Variants in LPP observed in about 807,000 individuals in gnomAD.
LPP encodes LIM domain containing preferred translocation partner in lipoma.
LPP carries 38 observed loss-of-function variants against 60.4 expected under a neutral mutation model. The observed-to-expected ratio is 0.63, with a 90% CI of 0.49 to 0.83. The LOEUF (loss-of-function observed/expected upper bound fraction) is 0.83, where lower values mean the gene tolerates loss of function less well. LPP is among the 40% of genes least tolerant of loss of function. The pLI is 0.00. For synonymous variants in LPP, 328 were observed against 290.8 expected, an observed-to-expected ratio of 1.13 and a Z score of -1.30; for missense variants, 902 against 783.6, an observed-to-expected ratio of 1.15 and a Z score of -1.80.
chr3:188,175,778 A>G (rs1201833224), intron 1 of LPP, among the ~76,000 whole-genome samples: 1 of 152,052 alleles, frequency 6.6e-6, no homozygotes, highest in Admixed American at 6.5e-5. Context: ...CTCCTTTTCC[A>G]ATTTTTAAAA....
intron 8 of LPP, among the ~76,000 whole-genome samples, chr3:188,724,652 TA>T (rs1717699928): frequency 1.3e-5 from 2 of 152,246 alleles, no homozygotes; most frequent in South Asian, 4.1e-4. Context: ...TATGCATCTT[TA>T]TTCCTCCATT....
At chr3:188,240,564 T>G (rs1724036753) in intron 2 of LPP, among the ~76,000 whole-genome samples, 1 of 152,278 alleles carries the variant, frequency 6.6e-6, no homozygotes, top group Admixed American at 6.5e-5. Flanking sequence ...GAGAGCTTTA[T>G]TCAAACTCAT....
At chr3:188,873,076 G>C (rs1362400718) in intron 11 of LPP, among the ~76,000 whole-genome samples, 1 of 152,150 alleles carries the variant, frequency 6.6e-6, no homozygotes, top group African/African-American at 2.4e-5. Context: ...AAATTAGTGA[G>C]AAATGGTGTT....
intron 2 of LPP, among the ~76,000 whole-genome samples, chr3:188,289,258 G>C (rs1745137257): frequency 6.6e-6 from 1 of 152,126 alleles, no homozygotes; most frequent in Non-Finnish European, 1.5e-5. Flanking sequence ...TTACAGACTA[G>C]CTCAGACGTG....
intron 1 of LPP, among the ~76,000 whole-genome samples, chr3:188,207,650 A>C (rs1200368420): frequency 1.4e-5 from 2 of 144,270 alleles, no homozygotes; most frequent in Non-Finnish European, 3.0e-5. Flanking sequence ...AAAGATGGGA[A>C]TCTCACTATG....
chr3:188,481,199 T>A (rs1258753767), intron 4 of LPP, among the ~76,000 whole-genome samples: 1 of 152,184 alleles, frequency 6.6e-6, no homozygotes, highest in East Asian at 1.9e-4. Flanking sequence ...TATGCCTCTC[T>A]CCAAGGGAAC....
At chr3:188,801,607 G>T (rs1478982351) in intron 9 of LPP, among the ~76,000 whole-genome samples, 1 of 152,114 alleles carries the variant, frequency 6.6e-6, no homozygotes, top group East Asian at 1.9e-4. Context: ...TATAAATAGC[G>T]AATCTATGTA....
intron 1 of LPP, among the ~76,000 whole-genome samples, chr3:188,177,602 G>A (rs991954051): frequency 1.3e-5 from 2 of 152,132 alleles, no homozygotes; most frequent in African/African-American, 4.8e-5. Flanking sequence ...TCCCTGGGAA[G>A]ATGAAGATTA....
chr3:188,640,303 G>T (rs1201608233), intron 7 of LPP, among the ~76,000 whole-genome samples: 1 of 148,552 alleles, frequency 6.7e-6, no homozygotes, highest in Non-Finnish European at 1.5e-5. Context: ...TCACTTATAG[G>T]TGGGAATTGA....
chr3:188,695,625 G>A (rs1039101154), intron 7 of LPP, among the ~76,000 whole-genome samples: 1 of 152,192 alleles, frequency 6.6e-6, no homozygotes, highest in Non-Finnish European at 1.5e-5. Context: ...ATTTACAGGT[G>A]AAGACGCTAA....
intron 2 of LPP, among the ~76,000 whole-genome samples, chr3:188,292,311 T>A (rs7429366): frequency 0.082 from 12,556 of 152,288 alleles, 584 homozygotes; most frequent in Non-Finnish European, 0.1. Context: ...AAATTTTAAG[T>A]GAAATAAGTT....
intron 2 of LPP, among the ~76,000 whole-genome samples, chr3:188,276,669 G>GTCTCTCCC (rs1739829784): frequency 1.0e-5 from 1 of 100,050 alleles, no homozygotes; most frequent in African/African-American, 3.5e-5. Context: ...CTCCAACTCT[G>GTCTCTCCC]TCTCTCTCTC....
chr3:188,250,787 TG>T (rs1338091136), intron 2 of LPP, among the ~76,000 whole-genome samples: 112 of 94,594 alleles, frequency 1.2e-3, no homozygotes, highest in African/African-American at 5.2e-3. Context: ...TCTTTCTTTC[TG>T]TCTTTCTCTT....
intron 9 of LPP, among the ~76,000 whole-genome samples, chr3:188,859,343 A>G (rs1195694299): frequency 2.0e-5 from 3 of 152,086 alleles, no homozygotes; most frequent in Non-Finnish European, 4.4e-5. Flanking sequence ...ACTAGAATAG[A>G]TTCTTAAGAG....
chr3:188,396,271 C>T (rs954744122), intron 3 of LPP, among the ~76,000 whole-genome samples: 3 of 152,082 alleles, frequency 2.0e-5, no homozygotes, highest in African/African-American at 7.2e-5. Context: ...ACTAAAATTG[C>T]TTTTAAAATC....
chr3:188,804,262 T>TATATATATATATAC (rs1748337540), intron 9 of LPP, among the ~76,000 whole-genome samples: 1 of 116,362 alleles, frequency 8.6e-6, no homozygotes, highest in East Asian at 3.2e-4. Flanking sequence ...TATATATATA[T>TATATATATATATAC]ATATATATAT....
intron 2 of LPP, among the ~76,000 whole-genome samples, chr3:188,282,927 C>T (rs1313485800): frequency 6.6e-6 from 1 of 152,168 alleles, no homozygotes; most frequent in East Asian, 1.9e-4. Context: ...TGGAGGCTAG[C>T]TCAGTAGCTG....
chr3:188,825,452 G>T (rs187612561), intron 9 of LPP, among the ~76,000 whole-genome samples: 60 of 152,152 alleles, frequency 3.9e-4, no homozygotes, highest in Non-Finnish European at 4.0e-4. Flanking sequence ...CGAGAGTTGG[G>T]TGTATATACT....
intron 8 of LPP, 188 bp downstream of exon 8, chr3:188,708,581 C>G: frequency 1.4e-6 from 1 of 713,186 alleles, no homozygotes; most frequent in Non-Finnish European, 2.3e-6. Flanking sequence ...GATGTGATGT[C>G]TACTTAGCTT....
Sources: allele counts gnomAD v4.1 joint callset (sites outside exome capture counted in the v4.1 genomes callset), GRCh38; gene constraint gnomAD v4.1.1; transcripts MANE v1.5; gene names NCBI Gene and HGNC (gene_info 2026-07-23, HGNC 2026-07-21).